CEP85: variants seen among roughly 807,000 people sequenced by gnomAD.
CEP85 encodes the protein centrosomal protein of 85 kDa.
In CEP85, 58 loss-of-function variants were observed where a neutral mutation model predicts 93.7. That is an observed-to-expected ratio of 0.62 (90% CI 0.50 to 0.77). The LOEUF is 0.77. CEP85 is among the 30% of genes least tolerant of loss of function. The pLI, the probability that CEP85 is intolerant of heterozygous loss-of-function variation, is 0.00. For missense variants in CEP85, 868 were observed against 922.0 expected (o/e 0.94, Z 0.76); for synonymous variants, 314 against 338.6 (o/e 0.93, Z 0.80).
At chr1:26,275,755 G>A (rs995551413) in intron 12 of CEP85, among the ~76,000 whole-genome samples, 4 of 152,188 alleles carry the variant, frequency 2.6e-5, no homozygotes, top group African/African-American at 7.2e-5. Context: ...TGCCTAGGAA[G>A]GAACCTCCTT....
chr1:26,272,326 A>G (rs938381689), intron 11 of CEP85: 5 of 482,328 alleles, frequency 1.0e-5, no homozygotes, highest in African/African-American at 1.9e-5. Flanking sequence ...AAGGGAGGTA[A>G]AAGAGAGGTT....
At chr1:26,267,999 A>G (rs1255339096) in intron 7 of CEP85, among the ~76,000 whole-genome samples, 1 of 152,242 alleles carries the variant, frequency 6.6e-6, no homozygotes, top group East Asian at 1.9e-4. Flanking sequence ...TACAACAGAA[A>G]TGCTGCCAGT....
At chr1:26,248,921 T>A (rs2089557533) in intron 3 of CEP85, among the ~76,000 whole-genome samples, 1 of 151,814 alleles carries the variant, frequency 6.6e-6, no homozygotes, top group Non-Finnish European at 1.5e-5. Context: ...AGAGACGGGG[T>A]TTCACCGTGT....
Position 26,255,528 on chromosome 1 carries a change from A to G in CEP85, c.566A>G (p.Asn189Ser), listed in dbSNP as rs780666368. 1.4e-4 allele frequency: 222 copies of G among 1,614,038 alleles called. No homozygotes were observed. The highest frequency in any genetic ancestry group is 1.8e-4 in the Non-Finnish European group (218 of 1,180,028). The change falls in exon 4 of 14, where the codon AAT becomes AGT. Residue 189 changes from asparagine (N) to serine (S), a missense_variant. Physicochemically the swap from Asn to Ser is conservative, Grantham distance 46. Coordinates refer to ENST00000451429, the MANE Select transcript of CEP85 (RefSeq NM_001319944.2). ...ATTCCTAGCATGGAATCTACCCTCAATCAGTCGGCAATGATGGAGACACTT... is the reference window on the plus strand; with the variant it reads ...ATTCCTAGCATGGAATCTACCCTCAGTCAGTCGGCAATGATGGAGACACTT... ...FDIPSMESTLNQSAMMETLYS... is the reference protein window; with the variant it reads ...FDIPSMESTLSQSAMMETLYS...
At chr1:26,239,588 T>A (rs752733596) in intron 1 of CEP85, among the ~76,000 whole-genome samples, 174 bp from the exon 2 acceptor site, 6 of 147,096 alleles carry the variant, frequency 4.1e-5, no homozygotes, top group African/African-American at 1.6e-4. Context: ...CTGACCTCAG[T>A]TGATCTGCCC....
intron 6 of CEP85, among the ~76,000 whole-genome samples, chr1:26,259,126 T>C (rs1036674757): frequency 1.3e-5 from 2 of 152,160 alleles, no homozygotes; most frequent in Non-Finnish European, 2.9e-5. Flanking sequence ...GGGAAGTGCC[T>C]TAAATAAAAC....
At chr1:26,253,428 C>T (rs1040674980) in intron 3 of CEP85, among the ~76,000 whole-genome samples, 2 of 143,824 alleles carry the variant, frequency 1.4e-5, no homozygotes, top group Admixed American at 7.1e-5. Context: ...CTCACTCTGT[C>T]GCCCAGGCTG....
intron 1 of CEP85, among the ~76,000 whole-genome samples, chr1:26,235,567 CTTTTTTTT>C (rs1192252673): frequency 1.0e-5 from 1 of 95,588 alleles, no homozygotes; most frequent in Admixed American, 1.3e-4. Context: ...GATTGTAATT[CTTTTTTTT>C]TTTTTTTTTT....
chr1:26,271,182 G>A (rs11247894), intron 10 of CEP85, 75 bp downstream of exon 10: 509,495 of 896,710 alleles, frequency 0.57, 146,435 homozygotes, highest in African/African-American at 0.6. Flanking sequence ...GGAGGGATAC[G>A]TGAATTCTTG....
In CEP85 at chr1:26,268,543, C is replaced by G. The variant is rs1350447318; in HGVS notation, c.1402C>G (p.Gln468Glu). The G allele has an allele frequency of 6.2e-7, 1 of 1,614,110 alleles. No homozygotes were observed. The change falls in exon 8 of 14, where the codon CAG (glutamine) becomes GAG (glutamate). Residue 468 changes from glutamine to glutamate, a missense_variant. Transcript: ENST00000451429. ...LKKKCQKESE[Q>E]NREKQQRIET... ...AAAGAAATGCCAGAAGGAATCAGAG[C>G]AGAACCGGGAGAAGCAGCAGCGTAT...
intron 2 of CEP85, among the ~76,000 whole-genome samples, chr1:26,240,772 A>G (rs1458834971): frequency 2.0e-5 from 3 of 151,952 alleles, no homozygotes; most frequent in African/African-American, 4.8e-5. Context: ...GCATGTGCCT[A>G]TAATAATCCC....
rs774568893 is a variant in CEP85 at position 26,270,997 on chromosome 1, A to T, written c.1650-17A>T. ...GTGTCTAACTTCAGAGTTCTTGAAG[A>T]GGCCACTGTCTTTCAGCCTGCAAGA... On this transcript the variant is annotated splice_polypyrimidine_tract_variant and intron_variant, in intron 9 of 13. Coordinates refer to ENST00000451429, the MANE Select transcript of CEP85 (RefSeq NM_001319944.2). 3.9e-6 allele frequency: 6 copies of T among 1,531,830 alleles called. No homozygotes were observed. In the East Asian group the frequency reaches 1.4e-4, roughly 34 times the overall value. 94.9% of individuals were successfully genotyped at this position (1,531,830 alleles called of 1,614,324 possible).
intron 3 of CEP85, among the ~76,000 whole-genome samples, chr1:26,248,002 G>T (rs897717185): frequency 3.3e-5 from 5 of 152,126 alleles, no homozygotes; most frequent in Non-Finnish European, 1.5e-5. Context: ...TGTGTATAAT[G>T]GGGACTGTGC....
At chr1:26,251,650 G>A (rs886181465) in intron 3 of CEP85, among the ~76,000 whole-genome samples, 18 of 152,106 alleles carry the variant, frequency 1.2e-4, no homozygotes, top group African/African-American at 3.9e-4. Flanking sequence ...ACCTCTTAGA[G>A]GCCCCCACCT....
At chr1:26,235,240 C>T (rs1475361803) in intron 1 of CEP85, among the ~76,000 whole-genome samples, 1 of 152,204 alleles carries the variant, frequency 6.6e-6, no homozygotes, top group Non-Finnish European at 1.5e-5. Context: ...GAATTGAACA[C>T]TGGGATAAGT....
intron 3 of CEP85, among the ~76,000 whole-genome samples, chr1:26,246,009 T>TTAC (rs2089503899): frequency 6.6e-6 from 1 of 152,018 alleles, no homozygotes; most frequent in African/African-American, 2.4e-5. Flanking sequence ...AATCACTTTG[T>TTAC]TACACAGGTT....
At chr1:26,245,971 C>A (rs1054065588) in intron 3 of CEP85, among the ~76,000 whole-genome samples, 6 of 120,256 alleles carry the variant, frequency 5.0e-5, no homozygotes, top group Non-Finnish European at 1.2e-4. Context: ...CATAGTGAGA[C>A]CCTGTCTCAA....
intron 13 of CEP85, 87 bp from the exon 14 acceptor site, chr1:26,277,049 T>A: frequency 7.4e-7 from 1 of 1,358,786 alleles, no homozygotes. Context: ...AGACTGTGGG[T>A]TCAAGATACT....
intron 3 of CEP85, chr1:26,254,672 A>G (rs1417062047): frequency 6.0e-6 from 1 of 166,286 alleles, no homozygotes; most frequent in Non-Finnish European, 1.3e-5. Context: ...AGTTCGCTTC[A>G]TTCTTCAGAT....
Sources: gnomAD v4.1 joint callset for allele counts (sites outside exome capture counted in the v4.1 genomes callset) on GRCh38, gnomAD v4.1.1 for gene constraint, MANE v1.5 for transcripts, NCBI Gene and HGNC (gene_info 2026-07-23, HGNC 2026-07-21) for gene names.